TBC1D5: variants seen among roughly 807,000 people sequenced by gnomAD.
The protein encoded by TBC1D5 is TBC1 domain family member 5, also known as TBC1 domain family, member 5.
A neutral mutation model predicts 100.3 loss-of-function variants in TBC1D5; 75 were observed. That is an observed-to-expected ratio of 0.75 (90% CI 0.62 to 0.91). The LOEUF (loss-of-function observed/expected upper bound fraction) is 0.91. Among genes scored for constraint, TBC1D5 ranks in the 40% least tolerant of loss-of-function variants. TBC1D5 has a pLI of 0.00. For missense variants in TBC1D5, 910 were observed against 942.4 expected, an observed-to-expected ratio of 0.97 and a Z score of 0.45; for synonymous variants, 323 against 325.6, an observed-to-expected ratio of 0.99 and a Z score of 0.09.
chr3:17,255,645 T>C (rs1411603577), intron 16 of TBC1D5, among the ~76,000 whole-genome samples: 1 of 152,244 alleles, frequency 6.6e-6, no homozygotes, highest in Non-Finnish European at 1.5e-5. Context: ...CTTTAAAATA[T>C]GTGTTGTATA....
chr3:17,186,355 T>A (rs1301138274), intron 18 of TBC1D5, among the ~76,000 whole-genome samples: 1 of 152,200 alleles, frequency 6.6e-6, no homozygotes, highest in Non-Finnish European at 1.5e-5. Context: ...AAATTATTGT[T>A]TTTAACTGCT....
intron 3 of TBC1D5, among the ~76,000 whole-genome samples, chr3:17,458,070 T>C (rs1161244366): frequency 1.3e-5 from 2 of 152,242 alleles, no homozygotes; most frequent in East Asian, 1.9e-4. Flanking sequence ...AAGGTACTTA[T>C]GATCCTAACA....
At chr3:17,407,508 A>T (rs942580223) in intron 4 of TBC1D5, among the ~76,000 whole-genome samples, 1 of 152,178 alleles carries the variant, frequency 6.6e-6, no homozygotes, top group Non-Finnish European at 1.5e-5. Flanking sequence ...TGAAAAAGAA[A>T]GCCACTAAAA....
chr3:17,688,990 T>G (rs906327569), intron 1 of TBC1D5, among the ~76,000 whole-genome samples: 11 of 152,360 alleles, frequency 7.2e-5, no homozygotes, highest in Non-Finnish European at 1.6e-4. Flanking sequence ...CAGAGAATTG[T>G]TATATTGGCA....
At chr3:17,650,288 T>C (rs997436987) in intron 1 of TBC1D5, among the ~76,000 whole-genome samples, 3 of 150,974 alleles carry the variant, frequency 2.0e-5, no homozygotes, top group Non-Finnish European at 3.0e-5. Context: ...ACTTAAAGTA[T>C]AAAAATAAAA....
chr3:17,381,736 C>A (rs995648161), intron 9 of TBC1D5, among the ~76,000 whole-genome samples: 3 of 151,948 alleles, frequency 2.0e-5, no homozygotes, highest in Admixed American at 2.0e-4. Flanking sequence ...GATGAGTCTA[C>A]CTTGCTTGCG....
chr3:17,238,534 C>A, intron 16 of TBC1D5, 115 bp from the exon 17 acceptor site: 2 of 1,216,098 alleles, frequency 1.6e-6, no homozygotes, highest in Non-Finnish European at 2.2e-6. Context: ...ATTTACTAGA[C>A]CAGCTATATA....
chr3:17,320,088 A>G (rs1413991268), intron 13 of TBC1D5, among the ~76,000 whole-genome samples: 1 of 152,130 alleles, frequency 6.6e-6, no homozygotes, highest in Non-Finnish European at 1.5e-5. Context: ...GTGATGCTGC[A>G]TTGATTATCT....
At chr3:17,233,799 C>A (rs1411360840) in intron 17 of TBC1D5, 49 bp from the exon 18 acceptor site, 2 of 1,225,326 alleles carry the variant, frequency 1.6e-6, no homozygotes, top group South Asian at 1.4e-5. Flanking sequence ...AGGAAATAAT[C>A]AACTTCACTT....
At chr3:17,514,382 A>C (rs1312816809) in intron 2 of TBC1D5, among the ~76,000 whole-genome samples, 1 of 152,242 alleles carries the variant, frequency 6.6e-6, no homozygotes, top group African/African-American at 2.4e-5. Context: ...TAAAACCCTG[A>C]AACTTTAATT....
At chr3:17,261,524 A>C (rs1401789969) in intron 15 of TBC1D5, among the ~76,000 whole-genome samples, 1 of 151,732 alleles carries the variant, frequency 6.6e-6, no homozygotes, top group African/African-American at 2.4e-5. Context: ...CCCAGGCTGG[A>C]GTGTAGTACT....
At chr3:17,634,618 T>A (rs1402006385) in intron 1 of TBC1D5, among the ~76,000 whole-genome samples, 2 of 135,342 alleles carry the variant, frequency 1.5e-5, no homozygotes, top group Non-Finnish European at 3.2e-5. Flanking sequence ...TGGGGATGGC[T>A]AATAGGGTAA....
At chr3:17,303,833 C>CTTTT (rs140988557) in intron 14 of TBC1D5, among the ~76,000 whole-genome samples, 7 of 84,520 alleles carry the variant, frequency 8.3e-5, no homozygotes, top group Non-Finnish European at 1.3e-4. Context: ...CAATCTACCT[C>CTTTT]TTTTTTTTTT....
At chr3:17,371,537 T>G (rs952648181) in intron 13 of TBC1D5, among the ~76,000 whole-genome samples, 1 of 152,162 alleles carries the variant, frequency 6.6e-6, no homozygotes, top group African/African-American at 2.4e-5. Flanking sequence ...CTTCTTCATC[T>G]CTAATAAAGG....
intron 15 of TBC1D5, among the ~76,000 whole-genome samples, chr3:17,282,379 A>C (rs1032174952): frequency 1.3e-4 from 20 of 152,364 alleles, no homozygotes; most frequent in Middle Eastern, 3.4e-3. Context: ...TAAAATAAAT[A>C]TCTCTCCCCA....
At chr3:17,607,865 T>C (rs993647143) in intron 2 of TBC1D5, among the ~76,000 whole-genome samples, 4 of 152,148 alleles carry the variant, frequency 2.6e-5, no homozygotes, top group Admixed American at 2.6e-4. Context: ...ATCATTTCAA[T>C]AGATTCAGAA....
chr3:17,611,868 C>CTACCACTGA (rs1480655171), intron 2 of TBC1D5, among the ~76,000 whole-genome samples: 4 of 152,156 alleles, frequency 2.6e-5, no homozygotes, highest in Non-Finnish European at 5.9e-5. Context: ...TCTATCTTTT[C>CTACCACTGA]TACCACTGAT....
chr3:17,238,025 C>T (rs980579182), intron 17 of TBC1D5, 138 bp downstream of exon 17: 1 of 1,299,352 alleles, frequency 7.7e-7, no homozygotes, highest in Non-Finnish European at 1.0e-6. Flanking sequence ...ATCTAGTATT[C>T]CAACTTTATA....
chr3:17,705,882 G>C (rs1031242301), intron 1 of TBC1D5, among the ~76,000 whole-genome samples: 39 of 152,168 alleles, frequency 2.6e-4, no homozygotes, highest in African/African-American at 8.7e-4. Context: ...GGCACTTTGG[G>C]AGGCCAAGGC....
Sources: allele counts gnomAD v4.1 joint callset (sites outside exome capture counted in the v4.1 genomes callset), GRCh38; gene constraint gnomAD v4.1.1; transcripts MANE v1.5; gene names NCBI Gene and HGNC (gene_info 2026-07-23, HGNC 2026-07-21).